The following PCDHGA9 variants were observed in gnomAD, a reference collection of about 807,000 sequenced individuals.
PCDHGA9 encodes protocadherin gamma-A9.
PCDHGA9 carries 37 observed loss-of-function variants against 62.5 expected under a neutral mutation model. That is an observed-to-expected ratio of 0.59 (90% CI 0.46 to 0.78). The LOEUF is 0.78. Ranked by LOEUF, PCDHGA9 falls within the 30% of genes least tolerant of loss-of-function variation. The pLI, the probability that PCDHGA9 is intolerant of heterozygous loss-of-function variation, is 0.00. For missense variants in PCDHGA9, 1,138 were observed against 1,166.2 expected (o/e 0.98, Z 0.35); for synonymous variants, 459 against 484.6 (o/e 0.95, Z 0.69).
Position 141,404,041 on chromosome 5 carries a change from A to G in PCDHGA9, c.1089A>G (p.Gly363=). ...CAGTGAGAGAAGACGCACCTCAGGGAACAGTAATTCTTCTTTTCAATGCTC... is the reference window on the plus strand; with the variant it reads ...CAGTGAGAGAAGACGCACCTCAGGGGACAGTAATTCTTCTTTTCAATGCTC... The part of the protein sequence containing the change: ...FSPVREDAPQ[G]TVILLFNAHD... Residue 363 remains glycine, a synonymous_variant, in exon 1 of 4, where the codon GGA becomes GGG. Transcript: ENST00000573521. The G allele has an allele frequency of 6.2e-7, 1 of 1,613,936 alleles. No homozygotes were observed. Among genetic ancestry groups the G allele is most frequent in the Non-Finnish European group, 8.5e-7 (1 of 1,179,846 alleles).
intron 1 of PCDHGA9, chr5:141,421,422 C>A (rs908483513): frequency 6.2e-7 from 1 of 1,614,086 alleles, no homozygotes; most frequent in South Asian, 1.1e-5. Flanking sequence ...AGCGCGGAGT[C>A]CGCATCGTCT....
rs761905572 is a variant in PCDHGA9 at position 141,486,493 on chromosome 5, T to A, written c.2425-8314T>A. The A allele has an allele frequency of 2.5e-6, 4 of 1,614,136 alleles. No homozygotes were observed. The highest frequency in any genetic ancestry group is 1.7e-4 in the Middle Eastern group (1 of 6,060). On this transcript the variant is annotated intron_variant, in intron 1 of 3. Transcript: ENST00000573521. This position sits in a 1 kb window ranked among gnomAD's most constrained non-coding sequence, Gnocchi z 5.0. ...ACCCTCCTCTCAGTACCCACAGAAC[T>A]ATTTTCCTCAATATTTCAGATGTGA... is the stretch of plus-strand genomic sequence containing the variant.
Position 141,431,334 on chromosome 5 carries a change from C to G in PCDHGA9, c.2424+25958C>G, listed in dbSNP as rs775651426. ...AATGGAGCCGACGGTAGTAAGTACC[C>G]CGAATTGGTGCTGAAACGCGCCCTG... On this transcript the variant is annotated intron_variant, in intron 1 of 3. Transcript: ENST00000573521. This position sits in a 1 kb window ranked among gnomAD's most constrained non-coding sequence, Gnocchi z 4.8. 1.9e-6 allele frequency: 3 copies of G among 1,614,118 alleles called. No individual in the cohort carries two copies. The South Asian group carries it at 3.3e-5, about 18-fold the overall frequency.
intron 1 of PCDHGA9, among the ~76,000 whole-genome samples, chr5:141,464,882 A>T (rs1418376370): frequency 6.6e-6 from 1 of 151,918 alleles, no homozygotes; most frequent in Middle Eastern, 3.2e-3. Context: ...AGGACTACAG[A>T]TGGATGCCAC....
chr5:141,494,439 C>T (rs1009257996), intron 1 of PCDHGA9, among the ~76,000 whole-genome samples: 1 of 152,126 alleles, frequency 6.6e-6, no homozygotes, highest in Non-Finnish European at 1.5e-5. Flanking sequence ...CCTCCTTTGC[C>T]ACTTTAGGGG....
At chr5:141,422,126 GAGA>G (rs767100115) in intron 1 of PCDHGA9, 2 of 1,601,210 alleles carry the variant, frequency 1.2e-6, no homozygotes, top group South Asian at 2.3e-5. Context: ...TCACAAACTG[GAGA>G]AGTTCAAGTA....
chr5:141,444,475 A>C (rs572738630), intron 1 of PCDHGA9, among the ~76,000 whole-genome samples: 2 of 152,110 alleles, frequency 1.3e-5, no homozygotes, highest in East Asian at 3.9e-4. Context: ...CCGGTCGCGT[A>C]CTGGATTTAT....
At chr5:141,492,449 T>C (rs1045043841) in intron 1 of PCDHGA9, among the ~76,000 whole-genome samples, 50 of 152,314 alleles carry the variant, frequency 3.3e-4, no homozygotes, top group African/African-American at 1.2e-3. Flanking sequence ...TAGCTGATTG[T>C]GCGCGCCTGA....
intron 1 of PCDHGA9, chr5:141,478,344 A>G: frequency 6.2e-7 from 1 of 1,613,882 alleles, no homozygotes; most frequent in Non-Finnish European, 8.5e-7. Context: ...CCCTCCTTGC[A>G]CGCGGACGCC....
rs1362496624 is a variant in PCDHGA9, at chr5:141,432,370, C to T, written c.2424+26994C>T. On this transcript the variant is annotated intron_variant, in intron 1 of 3. Coordinates refer to ENST00000573521, the MANE Select transcript of PCDHGA9 (RefSeq NM_018921.3). This position sits in a 1 kb window ranked among gnomAD's most constrained non-coding sequence, Gnocchi z 6.0. ...AAGTGAAAGTGATGGCGCGGGACAA[C>T]GGGCACCCGCCCCTCAGCAGCAACG... The T allele has an allele frequency of 6.2e-7, 1 of 1,614,240 alleles. No individual in the cohort carries two copies. Among genetic ancestry groups the T allele is most frequent in the Non-Finnish European group, 8.5e-7 (1 of 1,180,048 alleles).
At chr5:141,496,249 A>G (rs1385823714) in intron 2 of PCDHGA9, among the ~76,000 whole-genome samples, 1 of 152,078 alleles carries the variant, frequency 6.6e-6, no homozygotes, top group East Asian at 1.9e-4. Context: ...GCTGAAGGGG[A>G]GGGAAACTTC....
At chr5:141,475,803 G>T in intron 1 of PCDHGA9, 1 of 319,920 alleles carries the variant, frequency 3.1e-6, no homozygotes, top group Non-Finnish European at 5.7e-6. Flanking sequence ...GAAGCCAAAG[G>T]AAAGTGAAGT....
At chr5:141,505,123 C>T (rs1320836386) in intron 2 of PCDHGA9, among the ~76,000 whole-genome samples, 1 of 152,192 alleles carries the variant, frequency 6.6e-6, no homozygotes, top group African/African-American at 2.4e-5. Flanking sequence ...GATCGCGCCA[C>T]TGCACTCCAG....
At chr5:141,433,847 A>AAAAAAAC (rs1296633381) in intron 1 of PCDHGA9, among the ~76,000 whole-genome samples, 1 of 151,976 alleles carries the variant, frequency 6.6e-6, no homozygotes, top group Non-Finnish European at 1.5e-5. Flanking sequence ...CAAAAAAAAA[A>AAAAAAAC]AAAAAAAACT....
intron 1 of PCDHGA9, among the ~76,000 whole-genome samples, chr5:141,448,571 C>G (rs1207283773): frequency 6.6e-6 from 1 of 152,128 alleles, no homozygotes; most frequent in Non-Finnish European, 1.5e-5. Flanking sequence ...TTTTATTTCC[C>G]CATTTTTTTT....
chr5:141,477,808 C>T lies in PCDHGA9; in HGVS notation c.2425-16999C>T, dbSNP rs750186099. 2.5e-6 allele frequency: 4 copies of T among 1,613,994 alleles called. No individual in the cohort carries two copies. In the African/African-American group the frequency reaches 4.0e-5, roughly 16 times the overall value. On this transcript the variant is annotated intron_variant, in intron 1 of 3. Coordinates refer to ENST00000573521, the MANE Select transcript of PCDHGA9 (RefSeq NM_018921.3). The surrounding 1 kb of genome is among the most constrained non-coding windows in gnomAD (Gnocchi z 4.9). ...TTGTCACTGATCGCAATGACAATGC[C>T]CCCCAGGTCCTATATCCTCGGCCAG...
At chr5:141,407,910 G>A in intron 1 of PCDHGA9, 1 of 428,786 alleles carries the variant, frequency 2.3e-6, no homozygotes, top group Non-Finnish European at 4.1e-6. Flanking sequence ...GAAAAACCGG[G>A]CTGCTGTCCC....
rs773899530 is a variant in PCDHGA9 at position 141,494,864 on chromosome 5, G to A, written c.2482G>A (p.Gly828Ser). 1.6e-5 allele frequency: 26 copies of A among 1,613,950 alleles called. No individual in the cohort carries two copies. The Admixed American group carries it at 3.5e-4, about 22-fold the overall frequency. Reference protein sequence around the residue: ...FSQAQRPGTSGSQNGDDTGTW... With the variant: ...FSQAQRPGTSSSQNGDDTGTW... ...TCAGGCCCAGAGACCCGGCACCAGC[G>A]GGTAGGTGACTGATTCTCCAGCCCA... Residue 828 changes from glycine to serine, a missense_variant and splice_region_variant, in exon 2 of 4, where the codon GGC (glycine) becomes AGC (serine). Gly to Ser is a moderately conservative substitution (Grantham distance 56, BLOSUM62 0). Coordinates refer to ENST00000573521, the MANE Select transcript of PCDHGA9 (RefSeq NM_018921.3).
intron 1 of PCDHGA9, chr5:141,415,791 C>CTTT: frequency 1.5e-6 from 2 of 1,341,938 alleles, no homozygotes; most frequent in Non-Finnish European, 1.9e-6. Flanking sequence ...GTAAAATTCA[C>CTTT]CTAGTCTCAA....
Sources: gnomAD v4.1 joint callset for allele counts (sites outside exome capture counted in the v4.1 genomes callset) on GRCh38, gnomAD v4.1.1 for gene constraint, Gnocchi (gnomAD v3.1) non-coding constraint, MANE v1.5 for transcripts, NCBI Gene and HGNC (gene_info 2026-07-23, HGNC 2026-07-21) for gene names.